The following SETD1B variants were observed in gnomAD, a reference collection of about 807,000 sequenced individuals.
SETD1B encodes histone-lysine N-methyltransferase SETD1B.
A neutral mutation model predicts 148.0 loss-of-function variants in SETD1B; 7 were observed. The observed-to-expected ratio is 0.05, with a 90% CI of 0.03 to 0.09. The LOEUF is 0.09. SETD1B is among the 10% of genes least tolerant of loss of function. SETD1B has a pLI of 1.00. For synonymous variants in SETD1B, 1,361 were observed against 1,186.5 expected (o/e 1.15, Z -3.02); for missense variants, 2,155 against 2,729.9 (o/e 0.79, Z 4.69).
Position 121,810,467 on chromosome 12 carries a change from A to AAGGAGC in SETD1B, c.1525_1530dup (p.Glu509_Gln510dup). ...GGACTCGCGCATCGAGATGCTGCTGAAGGAGCAGCGCACCAAGCTGCTCTT... is the reference window on the plus strand; with the variant it reads ...GGACTCGCGCATCGAGATGCTGCTGAAGGAGCAGGAGCAGCGCACCAAGCTGCTCTT... On this transcript the variant is annotated inframe_insertion, in exon 6 of 17. Transcript: ENST00000604567. This position sits in a 1 kb window ranked among gnomAD's most constrained non-coding sequence, Gnocchi z 7.6. 6.5e-7 allele frequency: 1 copy of AAGGAGC among 1,548,384 alleles called. No homozygotes were observed. The highest frequency in any genetic ancestry group is 8.7e-7 in the Non-Finnish European group (1 of 1,147,126).
Position 121,810,522 on chromosome 12 carries a change from T to C in SETD1B, c.1577T>C (p.Leu526Pro). 1 of 1,546,348 alleles carries C rather than the reference T, an allele frequency of 6.5e-7. No individual in the cohort carries two copies. The highest frequency in any genetic ancestry group is 1.2e-5 in the South Asian group (1 of 84,074). ...FLREPDSDTE[L>P]QMEGSPISSS... ...AGGGAGCCGGACTCGGACACCGAGC[T>C]GCAGATGGAGGGCAGCCCCATCTCC... The change falls in exon 6 of 17, where the codon CTG becomes CCG. Residue 526 changes from leucine to proline, a missense_variant. Physicochemically the swap from Leu to Pro is moderately conservative, Grantham distance 98 (BLOSUM62 -3). Transcript: ENST00000604567. This position sits in a 1 kb window ranked among gnomAD's most constrained non-coding sequence, Gnocchi z 7.6.
intron 7 of SETD1B, among the ~76,000 whole-genome samples, chr12:121,816,744 C>T (rs1489625634): frequency 6.6e-6 from 1 of 152,162 alleles, no homozygotes; most frequent in East Asian, 1.9e-4. Flanking sequence ...CAGATGTGTC[C>T]CTATGGTGTA....
chr12:121,805,822 C>T lies in SETD1B; in HGVS notation c.274-13C>T, dbSNP rs1217051315. The stretch of plus-strand genomic sequence containing the variant: ...ACGTTCTTCAAACTCCCTTCCCCCT[C>T]GGCCCCTGCCAGATCGATGAGTTCT... On this transcript the variant is annotated splice_polypyrimidine_tract_variant and intron_variant, in intron 3 of 16. Coordinates refer to ENST00000604567, the MANE Select transcript of SETD1B (RefSeq NM_001353345.2). This position sits in a 1 kb window ranked among gnomAD's most constrained non-coding sequence, Gnocchi z 4.2. 3.2e-6 allele frequency: 5 copies of T among 1,548,852 alleles called. No individual in the cohort carries two copies. The highest frequency in any genetic ancestry group is 2.4e-5 in the South Asian group (2 of 83,894).
rs768553853 is a variant in SETD1B, at chr12:121,830,144, A to C, written c.5806A>C (p.Asn1936His). 10 of 1,551,382 alleles carry C rather than the reference A, an allele frequency of 6.4e-6. No individual in the cohort carries two copies. The highest frequency in any genetic ancestry group is 5.9e-5 in the Admixed American group (3 of 50,964). ...VIYSKQHINV[N>H]EEITYDYKFP... Reference sequence around the variant, plus strand: ...CTACTCGAAGCAGCACATTAACGTCAATGAGGAGATTACCTATGACTATAA... The same window carrying C: ...CTACTCGAAGCAGCACATTAACGTCCATGAGGAGATTACCTATGACTATAA... The change falls in exon 17 of 17, where the codon AAT becomes CAT. Residue 1936 changes from asparagine to histidine, a missense_variant. Asn to His is a moderately conservative substitution (Grantham distance 68, BLOSUM62 1). Transcript: ENST00000604567. The surrounding 1 kb of genome is among the most constrained non-coding windows in gnomAD (Gnocchi z 5.7).
At chr12:121,825,972 A>T (rs990782256) in intron 13 of SETD1B, among the ~76,000 whole-genome samples, 1 of 152,002 alleles carries the variant, frequency 6.6e-6, no homozygotes, top group African/African-American at 2.4e-5. Context: ...TAATCCAGTA[A>T]ATATCTGTTG....
chr12:121,790,288 G>C, the SETD1B span, among the ~76,000 whole-genome samples: 1 of 152,256 alleles, frequency 6.6e-6, no homozygotes, highest in African/African-American at 2.4e-5. Context: ...CACCAGTCGG[G>C]AAGATGCCCC....
rs1156354370 is a variant in SETD1B at position 121,805,669 on chromosome 12, AT to A, written c.274-156del. On this transcript the variant is annotated intron_variant, in intron 3 of 16. Transcript: ENST00000604567. This position sits in a 1 kb window ranked among gnomAD's most constrained non-coding sequence, Gnocchi z 4.2. Reference sequence around the variant, plus strand: ...CCGCTTCCCGGGCCCGCCCGCGTGCATTTTTTTTTTCCAAAAAAAATTTTTT... The same window carrying A: ...CCGCTTCCCGGGCCCGCCCGCGTGCATTTTTTTTTCCAAAAAAAATTTTTT... 1.4e-4 allele frequency among the ~76,000 whole-genome samples: 19 copies of A among 131,396 alleles called. No individual in the cohort carries two copies. The highest frequency in any genetic ancestry group is 6.8e-4 in the East Asian group (3 of 4,382). 86.2% of individuals were successfully genotyped at this position (131,396 alleles called of 152,430 possible).
chr12:121,798,998 C>G, the SETD1B span, among the ~76,000 whole-genome samples: 2 of 152,216 alleles, frequency 1.3e-5, no homozygotes, highest in Non-Finnish European at 2.9e-5. Context: ...AAATGTGTTC[C>G]CAGACCACAG....
At chr12:121,828,846 C>T (rs1876962331) in intron 16 of SETD1B, among the ~76,000 whole-genome samples, 1 of 152,232 alleles carries the variant, frequency 6.6e-6, no homozygotes, top group African/African-American at 2.4e-5. Context: ...TGGGTCACTG[C>T]ACGTGGGCCA....
At position 121,805,768 on chromosome 12, in the gene SETD1B, G is replaced by A; in HGVS notation, c.274-67G>A. Reference sequence around the variant, plus strand: ...GTGGGCGAGTTGCGGGCGGGGCGGGGGGGATGTTGTGTTTTCCCTTAGGTT... The same window carrying A: ...GTGGGCGAGTTGCGGGCGGGGCGGGAGGGATGTTGTGTTTTCCCTTAGGTT... On this transcript the variant is annotated intron_variant, in intron 3 of 16. Coordinates refer to ENST00000604567, the MANE Select transcript of SETD1B (RefSeq NM_001353345.2). This position sits in a 1 kb window ranked among gnomAD's most constrained non-coding sequence, Gnocchi z 4.2. The A allele has an allele frequency of 3.5e-6, 5 of 1,436,902 alleles. No homozygotes were observed. Among genetic ancestry groups the A allele is most frequent in the South Asian group, 1.4e-5 (1 of 72,794 alleles). The allele number at this position is 1,436,902 out of a possible 1,614,324, so 89.0% of individuals were successfully genotyped here. A position where few individuals can be genotyped will look rare whatever the true frequency, so the allele number is the denominator to read the frequency against.
rs764126981 is a variant in SETD1B at position 121,805,818 on chromosome 12, C to T, written c.274-17C>T. Reference sequence around the variant, plus strand: ...TTAAACGTTCTTCAAACTCCCTTCCCCCTCGGCCCCTGCCAGATCGATGAG... The same window carrying T: ...TTAAACGTTCTTCAAACTCCCTTCCTCCTCGGCCCCTGCCAGATCGATGAG... On this transcript the variant is annotated splice_polypyrimidine_tract_variant and intron_variant, in intron 3 of 16. Transcript: ENST00000604567. This position sits in a 1 kb window ranked among gnomAD's most constrained non-coding sequence, Gnocchi z 4.2. The T allele has an allele frequency of 2.6e-6, 4 of 1,548,058 alleles. No individual in the cohort carries two copies. Among genetic ancestry groups the T allele is most frequent in the Middle Eastern group, 1.7e-4 (1 of 5,968 alleles).
rs138787224 is a variant in SETD1B, at chr12:121,832,528, G to A, written c.*2289G>A. 1.2e-5 allele frequency: 2 copies of A among 169,048 alleles called. No homozygotes were observed. The highest frequency in any genetic ancestry group is 6.5e-5 in the Admixed American group (1 of 15,424). The allele number at this position is 169,048 out of a possible 1,614,324, so 10.5% of individuals were successfully genotyped here. On this transcript the variant is annotated 3_prime_UTR_variant, in exon 17 of 17. Transcript: ENST00000604567. ...TCATCCATATGTAACTTGTTTTGAA[G>A]AGAAGTGTTTCCGTTGTGTGTCTTG... is the stretch of plus-strand genomic sequence containing the variant.
intron 6 of SETD1B, among the ~76,000 whole-genome samples, chr12:121,812,547 A>G (rs1201539307): frequency 1.3e-5 from 2 of 151,528 alleles, no homozygotes; most frequent in African/African-American, 2.4e-5. Flanking sequence ...ACTGCTGGGC[A>G]GAGGGAGGGG....
chr12:121,825,325 A>G lies in SETD1B; in HGVS notation c.5296A>G (p.Ser1766Gly), dbSNP rs1285536078. Residue 1766 changes from serine (S) to glycine (G), a missense_variant, in exon 13 of 17, where the codon AGC (serine) becomes GGC (glycine). Ser to Gly is a moderately conservative substitution (Grantham distance 56, BLOSUM62 0). Transcript: ENST00000604567. Reference protein sequence around the residue: ...DKKDKLRYLNSSRASTDEPPA... With the variant: ...DKKDKLRYLNGSRASTDEPPA... ...GAAGGACAAGCTCAGATACCTCAAC[A>G]GCAGCCGTGCCAGCACCGATGAGCC... 1 of 1,551,430 alleles carries G rather than the reference A, an allele frequency of 6.4e-7. No homozygotes were observed. Among genetic ancestry groups the G allele is most frequent in the Non-Finnish European group, 8.7e-7 (1 of 1,147,072 alleles).
rs1290362074 is a variant in SETD1B, at chr12:121,805,526, C to T, written c.274-309C>T. Among the ~76,000 whole-genome samples the T allele has an allele frequency of 1.3e-5, 2 of 152,106 alleles. No individual in the cohort carries two copies. Among genetic ancestry groups the T allele is most frequent in the Admixed American group, 6.5e-5 (1 of 15,282 alleles). ...CAACTTCTTAAGCCTGAGGGGTCGC[C>T]CCTGACCCGGCAGCAGGAAGAGAAG... On this transcript the variant is annotated intron_variant, in intron 3 of 16. Transcript: ENST00000604567. This position sits in a 1 kb window ranked among gnomAD's most constrained non-coding sequence, Gnocchi z 4.2.
intron 11 of SETD1B, among the ~76,000 whole-genome samples, chr12:121,821,659 G>A (rs965661887): frequency 1.4e-4 from 21 of 152,024 alleles, no homozygotes; most frequent in Non-Finnish European, 2.8e-4. Flanking sequence ...GCTGAGGAAG[G>A]AGAATTGCTT....
chr12:121,823,337 T>TGCC lies in SETD1B; in HGVS notation c.4758_4759insGCC (p.Leu1586_Pro1587insAla). On this transcript the variant is annotated inframe_insertion, in exon 12 of 17. Transcript: ENST00000604567. ...GGATCCCAGCCCCTCCACCACCCCT[T>TGCC]CCCCCCCAGCCACCCCCACCCCCAC... 2.8e-5 allele frequency: 23 copies of TGCC among 809,380 alleles called. No individual in the cohort carries two copies. Among genetic ancestry groups the TGCC allele is most frequent in the Non-Finnish European group, 4.1e-5 (23 of 560,460 alleles). The allele number at this position is 809,380 out of a possible 1,614,324, so 50.1% of individuals were successfully genotyped here.
rs2137542217 is a variant in SETD1B at position 121,805,021 on chromosome 12, C to T, written c.175-97C>T. The T allele has an allele frequency of 1.4e-6, 2 of 1,471,696 alleles. No individual in the cohort carries two copies. The highest frequency in any genetic ancestry group is 2.5e-5 in the East Asian group (1 of 40,160). The allele number at this position is 1,471,696 out of a possible 1,614,324, so 91.2% of individuals were successfully genotyped here. On this transcript the variant is annotated intron_variant, in intron 2 of 16. Coordinates refer to ENST00000604567, the MANE Select transcript of SETD1B (RefSeq NM_001353345.2). This position sits in a 1 kb window ranked among gnomAD's most constrained non-coding sequence, Gnocchi z 4.2. Reference sequence around the variant, plus strand: ...CCCCCGGCCAACTGTCAGACGGGGCCCCAGCCCTGGAGTTTGACAAGTGCC... The same window carrying T: ...CCCCCGGCCAACTGTCAGACGGGGCTCCAGCCCTGGAGTTTGACAAGTGCC...
chr12:121,822,978 C>A lies in SETD1B; in HGVS notation c.4399C>A (p.Leu1467Ile). 6.5e-7 allele frequency: 1 copy of A among 1,536,484 alleles called. No homozygotes were observed. The highest frequency in any genetic ancestry group is 8.8e-7 in the Non-Finnish European group (1 of 1,142,216). ...ERSGPLASPV[L>I]LETGLPLPLP... Reference sequence around the variant, plus strand: ...CTCCGGGCCCCTGGCCTCCCCGGTGCTCCTGGAGACGGGCCTGCCCCTCCC... The same window carrying A: ...CTCCGGGCCCCTGGCCTCCCCGGTGATCCTGGAGACGGGCCTGCCCCTCCC... The change falls in exon 12 of 17, where the codon CTC becomes ATC. Residue 1467 changes from leucine (L) to isoleucine (I), a missense_variant. Coordinates refer to ENST00000604567, the MANE Select transcript of SETD1B (RefSeq NM_001353345.2).
Sources: allele counts gnomAD v4.1 joint callset (sites outside exome capture counted in the v4.1 genomes callset), GRCh38; gene constraint gnomAD v4.1.1; non-coding constraint Gnocchi (gnomAD v3.1); transcripts MANE v1.5; gene names NCBI Gene and HGNC (gene_info 2026-07-23, HGNC 2026-07-21).